Variants in ADAM12 observed in about 807,000 individuals in gnomAD.
ADAM12 encodes ADAM metallopeptidase domain 12, also known as disintegrin and metalloproteinase domain-containing protein 12.
ADAM12 carries 70 observed loss-of-function variants against 106.4 expected under a neutral mutation model. The ratio of observed to expected loss-of-function variants is 0.66; its 90% CI spans 0.54 to 0.80. The LOEUF (loss-of-function observed/expected upper bound fraction) is 0.80. ADAM12 is among the 30% of genes least tolerant of loss of function. The pLI is 0.00. For missense variants in ADAM12, 1,010 were observed against 1,171.9 expected, an observed-to-expected ratio of 0.86 and a Z score of 2.02; for synonymous variants, 420 against 433.5, an observed-to-expected ratio of 0.97 and a Z score of 0.39.
intron 3 of ADAM12, among the ~76,000 whole-genome samples, chr10:126,245,248 G>A (rs1167382483): frequency 3.3e-5 from 5 of 152,204 alleles, no homozygotes; most frequent in Non-Finnish European, 5.9e-5. Context: ...AGGTCATTGA[G>A]GAGACAAATA....
intron 3 of ADAM12, among the ~76,000 whole-genome samples, chr10:126,261,282 T>C (rs995976909): frequency 9.2e-5 from 14 of 152,320 alleles, no homozygotes; most frequent in African/African-American, 2.9e-4. Flanking sequence ...GAATGCTTCA[T>C]CTGAGGACAG....
chr10:126,353,038 T>G (rs1007001528), intron 1 of ADAM12, among the ~76,000 whole-genome samples: 45 of 152,178 alleles, frequency 3.0e-4, no homozygotes, highest in African/African-American at 1.1e-3. Flanking sequence ...CAGGCTTCTC[T>G]CCACTGCTCC....
At chr10:126,321,317 G>C (rs551893690) in intron 2 of ADAM12, among the ~76,000 whole-genome samples, 1 of 151,690 alleles carries the variant, frequency 6.6e-6, no homozygotes, top group East Asian at 1.9e-4. Context: ...TTTTCAAAAG[G>C]ACCCAGTTTA....
intron 3 of ADAM12, among the ~76,000 whole-genome samples, chr10:126,195,701 TA>T (rs1217410585): frequency 6.6e-6 from 1 of 152,216 alleles, no homozygotes; most frequent in Non-Finnish European, 1.5e-5. Flanking sequence ...AATTTTTCAA[TA>T]AAAAATACAA....
At chr10:126,237,230 C>T (rs892782124) in intron 3 of ADAM12, among the ~76,000 whole-genome samples, 1 of 152,172 alleles carries the variant, frequency 6.6e-6, no homozygotes, top group African/African-American at 2.4e-5. Context: ...CTTTGCCTTG[C>T]CTGTTAGAAC....
chr10:126,239,834 C>T (rs892911557), intron 3 of ADAM12, among the ~76,000 whole-genome samples: 6 of 152,162 alleles, frequency 3.9e-5, no homozygotes, highest in African/African-American at 7.2e-5. Context: ...AAATTTGGCC[C>T]CTTTCTAAAG....
At chr10:126,256,779 G>A (rs1565172298) in intron 3 of ADAM12, among the ~76,000 whole-genome samples, 1 of 152,176 alleles carries the variant, frequency 6.6e-6, no homozygotes, top group East Asian at 1.9e-4. Flanking sequence ...GAGCCCTAGA[G>A]GATGGGGAGA....
chr10:126,049,196 T>G lies in ADAM12; in HGVS notation c.1917+57A>C. 1.9e-6 allele frequency: 3 copies of G among 1,597,972 alleles called. No individual in the cohort carries two copies. The East Asian group carries it at 6.7e-5, about 36-fold the overall frequency. ...CTTGTAACCCAGTTCTTGCTGTTTT[T>G]CAATGGGCCCTGTTCCAGACTTACA... On this transcript the variant is annotated intron_variant, in intron 16 of 22. Coordinates refer to ENST00000448723, the MANE Select transcript of ADAM12 (RefSeq NM_001288973.2). The surrounding 1 kb of genome is among the most constrained non-coding windows in gnomAD (Gnocchi z 4.4).
chr10:126,089,045 C>T (rs537001430), intron 11 of ADAM12, among the ~76,000 whole-genome samples: 5 of 152,170 alleles, frequency 3.3e-5, no homozygotes, highest in Admixed American at 2.6e-4. Flanking sequence ...AACACGAACA[C>T]GCTGCCCGCC....
intron 11 of ADAM12, among the ~76,000 whole-genome samples, chr10:126,086,680 A>AAAAAAAATAAATAT (rs1554966976): frequency 4.1e-5 from 1 of 24,274 alleles, no homozygotes; most frequent in Admixed American, 7.9e-4. Flanking sequence ...AAAAAAAAAA[A>AAAAAAAATAAATAT]ATATATATAT....
chr10:126,042,198 G>A (rs200411247), intron 18 of ADAM12: 50 of 1,613,814 alleles, frequency 3.1e-5, no homozygotes, highest in East Asian at 2.7e-4. Context: ...GGCCCTGGCC[G>A]CGCTCCCTGT....
intron 3 of ADAM12, among the ~76,000 whole-genome samples, chr10:126,234,413 T>C (rs1958374615): frequency 6.6e-6 from 1 of 152,240 alleles, no homozygotes; most frequent in South Asian, 2.1e-4. Context: ...TAGATTCCTG[T>C]TGCCAAATCT....
chr10:126,192,001 C>A (rs1957510907), intron 3 of ADAM12, among the ~76,000 whole-genome samples: 1 of 152,094 alleles, frequency 6.6e-6, no homozygotes, highest in South Asian at 2.1e-4. Flanking sequence ...CACTTTTAAA[C>A]CTGATCTGGT....
chr10:126,071,766 G>A (rs1317492777), intron 11 of ADAM12, 112 bp from the exon 12 acceptor site: 2 of 1,190,708 alleles, frequency 1.7e-6, no homozygotes, highest in African/African-American at 3.1e-5. Flanking sequence ...GGTGTTCACT[G>A]GTGGTCTCAA....
intron 8 of ADAM12, among the ~76,000 whole-genome samples, chr10:126,103,836 C>A (rs1955713963): frequency 6.6e-6 from 1 of 152,216 alleles, no homozygotes; most frequent in Non-Finnish European, 1.5e-5. Flanking sequence ...TATTTTCTTG[C>A]CTCTTGCTGT....
chr10:126,130,387 T>A (rs1434462864), intron 5 of ADAM12, among the ~76,000 whole-genome samples: 2 of 152,072 alleles, frequency 1.3e-5, no homozygotes, highest in Non-Finnish European at 2.9e-5. Context: ...AAGTCAAAAT[T>A]CTCAGAAGCG....
In ADAM12 at chr10:126,066,745, G is replaced by A. The variant is rs780551380; in HGVS notation, c.1385C>T (p.Ala462Val). 1.5e-5 allele frequency: 24 copies of A among 1,614,204 alleles called. No homozygotes were observed. In the South Asian group the frequency reaches 2.5e-4, roughly 17 times the overall value. ...TCTLKPDAVCAHGLCCEDCQL... is the reference protein window; with the variant it reads ...TCTLKPDAVCVHGLCCEDCQL... ...GCAGTCTTCACAGCACAGCCCATGT[G>A]CGCACACAGCGTCCGGCTTCAGGGT... is the stretch of plus-strand genomic sequence containing the variant. The change falls in exon 13 of 23, where the codon GCA (alanine) becomes GTA (valine). Residue 462 changes from alanine (A) to valine (V), a missense_variant. By Grantham distance (64) the Ala-to-Val change is moderately conservative. Coordinates refer to ENST00000448723, the MANE Select transcript of ADAM12 (RefSeq NM_001288973.2). This position sits in a 1 kb window ranked among gnomAD's most constrained non-coding sequence, Gnocchi z 5.1.
At chr10:126,194,408 C>T (rs1260785410) in intron 3 of ADAM12, among the ~76,000 whole-genome samples, 1 of 151,976 alleles carries the variant, frequency 6.6e-6, no homozygotes, top group Non-Finnish European at 1.5e-5. Context: ...TACACCTCAC[C>T]ATTTATCGGG....
At chr10:126,166,689 G>A (rs534415791) in intron 3 of ADAM12, among the ~76,000 whole-genome samples, 18 of 152,036 alleles carry the variant, frequency 1.2e-4, no homozygotes, top group Non-Finnish European at 2.1e-4. Flanking sequence ...AGTAGAGATG[G>A]GGTTTCACCA....
Sources: allele counts gnomAD v4.1 joint callset (sites outside exome capture counted in the v4.1 genomes callset), GRCh38; gene constraint gnomAD v4.1.1; non-coding constraint Gnocchi (gnomAD v3.1); transcripts MANE v1.5; gene names NCBI Gene and HGNC (gene_info 2026-07-23, HGNC 2026-07-21).